C3orf20: variants seen among roughly 807,000 people sequenced by gnomAD.
C3orf20 encodes uncharacterized protein C3orf20.
C3orf20 carries 76 observed loss-of-function variants against 88.3 expected under a neutral mutation model. The observed-to-expected ratio is 0.86, with a 90% confidence interval of 0.72 to 1.04. The LOEUF (loss-of-function observed/expected upper bound fraction) is 1.04, where lower values mean the gene tolerates loss of function less well. Among genes scored for constraint, C3orf20 ranks in the 50% least tolerant of loss-of-function variants. C3orf20 has a pLI of 0.00. For missense variants in C3orf20, 1,056 were observed against 1,123.3 expected (o/e 0.94, Z 0.86); for synonymous variants, 436 against 437.4 (o/e 1.00, Z 0.04).
At chr3:14,702,531 C>T (rs1341149981) in intron 5 of C3orf20, among the ~76,000 whole-genome samples, 1 of 151,748 alleles carries the variant, frequency 6.6e-6, no homozygotes, top group Non-Finnish European at 1.5e-5. Flanking sequence ...ACCTCCACCT[C>T]CCGGGTTCAG....
At chr3:14,735,360 T>G (rs1370769074) in intron 12 of C3orf20, among the ~76,000 whole-genome samples, 1 of 151,866 alleles carries the variant, frequency 6.6e-6, no homozygotes, top group Non-Finnish European at 1.5e-5. Context: ...TTTCTCCATA[T>G]ATTATTTAAA....
At chr3:14,709,919 T>C (rs753771946) in intron 7 of C3orf20, among the ~76,000 whole-genome samples, 1 of 152,216 alleles carries the variant, frequency 6.6e-6, no homozygotes, top group African/African-American at 2.4e-5. Context: ...TTCTATTTTT[T>C]TGGAAGAGCT....
intron 6 of C3orf20, among the ~76,000 whole-genome samples, 161 bp from the exon 7 acceptor site, chr3:14,704,176 A>C (rs1385448452): frequency 6.6e-6 from 1 of 152,172 alleles, no homozygotes; most frequent in African/African-American, 2.4e-5. Flanking sequence ...AGTTCTTCCC[A>C]AAAATTACCT....
chr3:14,729,176 CT>C (rs2034458445), intron 12 of C3orf20, among the ~76,000 whole-genome samples: 1 of 152,170 alleles, frequency 6.6e-6, no homozygotes, highest in Admixed American at 6.5e-5. Flanking sequence ...ACCTGGCTCT[CT>C]ACAGAAAATG....
chr3:14,733,838 A>G (rs9812026), intron 12 of C3orf20, among the ~76,000 whole-genome samples: 134,367 of 151,994 alleles, frequency 0.88, 59,509 homozygotes, highest in Non-Finnish European at 0.91. Context: ...ACAGGCATGC[A>G]CCACCACACC....
chr3:14,690,861 G>A (rs561075560), intron 5 of C3orf20, among the ~76,000 whole-genome samples: 14 of 152,336 alleles, frequency 9.2e-5, no homozygotes, highest in African/African-American at 3.4e-4. Flanking sequence ...GGAATGCTCA[G>A]GCTGTCCAGA....
At chr3:14,688,343 A>T (rs1397817154) in intron 4 of C3orf20, among the ~76,000 whole-genome samples, 1 of 151,856 alleles carries the variant, frequency 6.6e-6, no homozygotes, top group Non-Finnish European at 1.5e-5. Context: ...CAGCCTGGCC[A>T]ACATGATGAA....
At chr3:14,691,045 C>G (rs1046971896) in intron 5 of C3orf20, among the ~76,000 whole-genome samples, 2 of 152,260 alleles carry the variant, frequency 1.3e-5, no homozygotes, top group Admixed American at 6.5e-5. Flanking sequence ...CCATATCGAG[C>G]TGATCCTATA....
intron 6 of C3orf20, 53 bp from the exon 7 acceptor site, chr3:14,704,284 C>A: frequency 6.3e-7 from 1 of 1,585,356 alleles, no homozygotes. Context: ...GAGAGCATCC[C>A]TGGTGCTTGA....
At chr3:14,769,300 G>A (rs1056499018) in intron 15 of C3orf20, among the ~76,000 whole-genome samples, 1 of 151,940 alleles carries the variant, frequency 6.6e-6, no homozygotes, top group African/African-American at 2.4e-5. Flanking sequence ...GGAGGAGAGG[G>A]AAAAGGCACT....
intron 11 of C3orf20, among the ~76,000 whole-genome samples, chr3:14,727,315 C>T (rs1172164632): frequency 6.6e-6 from 1 of 152,208 alleles, no homozygotes; most frequent in Non-Finnish European, 1.5e-5. Context: ...TCCTGGGTTT[C>T]TCGGTAGCTG....
At chr3:14,760,049 A>G in intron 14 of C3orf20, 51 bp downstream of exon 14, 4 of 1,319,412 alleles carry the variant, frequency 3.0e-6, no homozygotes, top group South Asian at 1.2e-5. Context: ...AGCCGCAGCC[A>G]CCTCTGCCCC....
At position 14,689,879 on chromosome 3, in the gene C3orf20, G is replaced by A. The variant is rs765773169; in HGVS notation, c.626-118G>A. The A allele has an allele frequency of 1.1e-4, 142 of 1,321,564 alleles. 1 individual carries two copies. Among genetic ancestry groups the A allele is most frequent in the Admixed American group, 1.8e-4 (9 of 51,280 alleles). The allele number at this position is 1,321,564 out of a possible 1,614,324, so 81.9% of individuals were successfully genotyped here. On this transcript the variant is annotated intron_variant, in intron 4 of 16. Transcript: ENST00000253697. ...AGATCTAGGTGTTTTGTAACAATGC[G>A]GCACTTTACAGTATGTGACCCACCG...
At chr3:14,713,015 G>A (rs557202801) in intron 7 of C3orf20, among the ~76,000 whole-genome samples, 40 of 152,142 alleles carry the variant, frequency 2.6e-4, no homozygotes, top group Non-Finnish European at 5.0e-4. Context: ...TGAGAAATCA[G>A]CCATTAATCT....
rs925108454 is a variant in C3orf20 at position 14,761,738 on chromosome 3, G to T, written c.2495+123G>T. The stretch of plus-strand genomic sequence containing the variant: ...CGGGGCTGAAGGGATGGAGTGGGGA[G>T]GGGGGCTGGAGGTGGGAAGCCTCCA... On this transcript the variant is annotated intron_variant, in intron 15 of 16. Transcript: ENST00000253697. 6 of 951,560 alleles carry T rather than the reference G, an allele frequency of 6.3e-6. No homozygotes were observed. In the Admixed American group the frequency reaches 1.1e-4, roughly 17 times the overall value. The allele number at this position is 951,560 out of a possible 1,614,324, so 58.9% of individuals were successfully genotyped here. A position where few individuals can be genotyped will look rare whatever the true frequency, so the allele number is the denominator to read the frequency against.
intron 12 of C3orf20, among the ~76,000 whole-genome samples, chr3:14,751,379 G>T (rs1354324472): frequency 6.6e-6 from 1 of 152,182 alleles, no homozygotes; most frequent in Non-Finnish European, 1.5e-5. Flanking sequence ...TTGGACAGCG[G>T]GTGCAGCCCC....
rs144204098 is a variant in C3orf20 at position 14,708,940 on chromosome 3, G to A, written c.1160+4322G>A. On this transcript the variant is annotated intron_variant, in intron 7 of 16. Transcript: ENST00000253697. The stretch of plus-strand genomic sequence containing the variant: ...ATTACAGGCATGAGCCACCACACCC[G>A]GCCAACAATATTAATTCATCCAACC... 3.7e-4 allele frequency among the ~76,000 whole-genome samples: 57 copies of A among 152,114 alleles called. 1 individual carries two copies. Among genetic ancestry groups the A allele is most frequent in the South Asian group, 3.3e-3 (16 of 4,812 alleles).
At chr3:14,757,896 ATG>A (rs1365859222) in intron 13 of C3orf20, among the ~76,000 whole-genome samples, 1 of 152,210 alleles carries the variant, frequency 6.6e-6, no homozygotes, top group Non-Finnish European at 1.5e-5. Context: ...TCTAAGGTGA[ATG>A]TCACCACATA....
At chr3:14,717,354 G>A (rs2033979500) in intron 9 of C3orf20, among the ~76,000 whole-genome samples, 1 of 152,240 alleles carries the variant, frequency 6.6e-6, no homozygotes. Flanking sequence ...GAAGTCAGGA[G>A]TGGCCTGGAA....
Sources: gnomAD v4.1 joint callset for allele counts (sites outside exome capture counted in the v4.1 genomes callset) on GRCh38, gnomAD v4.1.1 for gene constraint, MANE v1.5 for transcripts, NCBI Gene and HGNC (gene_info 2026-07-23, HGNC 2026-07-21) for gene names.